Variants in LRMDA observed in about 807,000 individuals in gnomAD.
LRMDA encodes leucine-rich melanocyte differentiation-associated protein.
In LRMDA, 18 loss-of-function variants were observed where a neutral mutation model predicts 29.8. That is an observed-to-expected ratio of 0.60 (90% CI 0.42 to 0.90). The LOEUF (loss-of-function observed/expected upper bound fraction) is 0.90, where lower values mean the gene tolerates loss of function less well. Ranked by LOEUF, LRMDA falls within the 40% of genes least tolerant of loss-of-function variation. The pLI is 0.00. For missense variants in LRMDA, 273 were observed against 273.9 expected, an observed-to-expected ratio of 1.00 and a Z score of 0.02; for synonymous variants, 125 against 109.4, an observed-to-expected ratio of 1.14 and a Z score of -0.89.
At chr10:75,535,310 T>C (rs1412262300) in intron 2 of LRMDA, among the ~76,000 whole-genome samples, 1 of 152,152 alleles carries the variant, frequency 6.6e-6, no homozygotes, top group Non-Finnish European at 1.5e-5. Context: ...CTTTTCTGCT[T>C]TCTAATTTCC....
At chr10:75,767,440 C>CT (rs1391614722) in intron 2 of LRMDA, among the ~76,000 whole-genome samples, 8 of 152,062 alleles carry the variant, frequency 5.3e-5, no homozygotes, top group Non-Finnish European at 1.2e-4. Flanking sequence ...CATAAGTTTT[C>CT]TAATGCCTTG....
intron 2 of LRMDA, among the ~76,000 whole-genome samples, chr10:75,524,867 A>G (rs1028213229): frequency 6.6e-6 from 1 of 152,180 alleles, no homozygotes; most frequent in African/African-American, 2.4e-5. Flanking sequence ...AAGATACCCA[A>G]GAAGCCTACA....
chr10:75,490,336 TACACACACACACACACAC>T (rs56077469), intron 2 of LRMDA, among the ~76,000 whole-genome samples: 1 of 148,516 alleles, frequency 6.7e-6, no homozygotes, highest in Admixed American at 6.7e-5. Flanking sequence ...CATGTACACA[TACACACACACACACACAC>T]ACACACACAC....
chr10:75,676,890 T>C lies in LRMDA; in HGVS notation c.131+238396T>C, dbSNP rs530435565. Among the ~76,000 whole-genome samples, 2 of 152,320 alleles carry C rather than the reference T, an allele frequency of 1.3e-5. 1 individual carries two copies. The highest frequency in any genetic ancestry group is 4.1e-4 in the South Asian group (2 of 4,824). ...TTTGGCCCCACCTTGCTTCTGCACT[T>C]GTGTCTATTATTCCACAAAGCCCAA... On this transcript the variant is annotated intron_variant, in intron 2 of 6. Coordinates refer to ENST00000611255, the MANE Select transcript of LRMDA (RefSeq NM_001305581.2).
intron 5 of LRMDA, among the ~76,000 whole-genome samples, chr10:76,077,234 C>A (rs1034765958): frequency 6.6e-6 from 1 of 152,226 alleles, no homozygotes; most frequent in African/African-American, 2.4e-5. Flanking sequence ...CAGAGCCAGG[C>A]ACCATCCTCC....
intron 6 of LRMDA, among the ~76,000 whole-genome samples, chr10:76,531,503 A>T (rs372015406): frequency 6.6e-6 from 1 of 152,094 alleles, no homozygotes; most frequent in African/African-American, 2.4e-5. Context: ...TCGTAAATTT[A>T]TGAGTGCTGA....
rs546032136 is a variant in LRMDA at position 75,516,108 on chromosome 10, T to C, written c.131+77614T>C. 1.9e-4 allele frequency among the ~76,000 whole-genome samples: 29 copies of C among 152,388 alleles called. No individual in the cohort carries two copies. In the East Asian group the frequency reaches 2.9e-3, roughly 15 times the overall value. On this transcript the variant is annotated intron_variant, in intron 2 of 6. Transcript: ENST00000611255. ...TTTTCTTAATCCAGTCTATCATTGA[T>C]GGACATTTGGGTTGGTTCCAAGTCT...
At chr10:76,547,588 G>A (rs1432987779) in intron 6 of LRMDA, among the ~76,000 whole-genome samples, 1 of 152,118 alleles carries the variant, frequency 6.6e-6, no homozygotes, top group African/African-American at 2.4e-5. Flanking sequence ...CAGCTAGAAG[G>A]TGGAAAGGAT....
Position 76,258,641 on chromosome 10 carries a change from A to G in LRMDA, c.517-65760A>G, listed in dbSNP as rs73286991. 6.9e-3 allele frequency among the ~76,000 whole-genome samples: 1,052 copies of G among 152,118 alleles called. 12 individuals carry two copies. Among genetic ancestry groups the G allele is most frequent in the African/African-American group, 0.024 (994 of 41,494 alleles). ...TTTACCCTTCCCAGCCTCTTGTATC[A>G]TCTCTTCCACTTTTCATTTCTATGA... On this transcript the variant is annotated intron_variant, in intron 5 of 6. Transcript: ENST00000611255.
intron 2 of LRMDA, among the ~76,000 whole-genome samples, chr10:75,463,508 A>T (rs1844613532): frequency 6.8e-6 from 1 of 147,474 alleles, no homozygotes; most frequent in Non-Finnish European, 1.5e-5. Flanking sequence ...TTTTTTTGAG[A>T]TGGAGTTTCA....
intron 2 of LRMDA, among the ~76,000 whole-genome samples, chr10:75,490,363 A>T (rs1038183247): frequency 6.6e-5 from 10 of 150,672 alleles, no homozygotes; most frequent in African/African-American, 2.0e-4. Flanking sequence ...ACACACACAC[A>T]CACACACACA....
At chr10:76,338,464 T>C (rs1307045507) in intron 6 of LRMDA, among the ~76,000 whole-genome samples, 2 of 152,130 alleles carry the variant, frequency 1.3e-5, no homozygotes, top group Non-Finnish European at 2.9e-5. Flanking sequence ...ACTGGGGGCC[T>C]CATAGCAGGC....
chr10:76,028,553 T>C (rs1378769915), intron 2 of LRMDA, among the ~76,000 whole-genome samples: 1 of 152,148 alleles, frequency 6.6e-6, no homozygotes, highest in East Asian at 1.9e-4. Flanking sequence ...GTATCTTTCT[T>C]AATATCTCTT....
At chr10:75,785,525 G>A (rs1025951214) in intron 2 of LRMDA, among the ~76,000 whole-genome samples, 5 of 152,196 alleles carry the variant, frequency 3.3e-5, no homozygotes, top group Non-Finnish European at 7.3e-5. Flanking sequence ...TGCCTCTCTG[G>A]CTTGCAATGC....
At chr10:75,589,675 G>C (rs756573214) in intron 2 of LRMDA, among the ~76,000 whole-genome samples, 1 of 151,868 alleles carries the variant, frequency 6.6e-6, no homozygotes, top group Non-Finnish European at 1.5e-5. Flanking sequence ...GAGGTGGGAG[G>C]ATCTCTTGAG....
chr10:75,550,721 A>G (rs1840131367), intron 2 of LRMDA, among the ~76,000 whole-genome samples: 1 of 151,828 alleles, frequency 6.6e-6, no homozygotes, highest in Non-Finnish European at 1.5e-5. Context: ...TGTGTCTTAT[A>G]TGTTCTCTAT....
intron 2 of LRMDA, among the ~76,000 whole-genome samples, chr10:75,651,272 C>T (rs905582961): frequency 2.6e-5 from 4 of 152,096 alleles, no homozygotes; most frequent in Admixed American, 6.5e-5. Flanking sequence ...CCATGAGTCC[C>T]GAAACCTGGG....
At chr10:75,584,099 TTACTC>T (rs1334303830) in intron 2 of LRMDA, among the ~76,000 whole-genome samples, 6 of 152,144 alleles carry the variant, frequency 3.9e-5, no homozygotes, top group African/African-American at 9.7e-5. Context: ...CATTCAGACT[TTACTC>T]TAAGACAATA....
chr10:75,578,980 A>G (rs1840549295), intron 2 of LRMDA, among the ~76,000 whole-genome samples: 1 of 152,216 alleles, frequency 6.6e-6, no homozygotes, highest in Admixed American at 6.5e-5. Flanking sequence ...TCTAAAATTG[A>G]CACCCTAACA....
Sources: gnomAD v4.1 joint callset for allele counts (sites outside exome capture counted in the v4.1 genomes callset) on GRCh38, gnomAD v4.1.1 for gene constraint, MANE v1.5 for transcripts, NCBI Gene and HGNC (gene_info 2026-07-23, HGNC 2026-07-21) for gene names.